HDAC4: variants seen among roughly 807,000 people sequenced by gnomAD.
HDAC4 encodes the protein histone deacetylase A.
In HDAC4, 16 loss-of-function variants were observed where a neutral mutation model predicts 135.1. The observed-to-expected ratio is 0.12, with a 90% CI of 0.08 to 0.18. The LOEUF (loss-of-function observed/expected upper bound fraction) is 0.18, where lower values mean the gene tolerates loss of function less well. HDAC4 is among the 10% of genes least tolerant of loss of function. HDAC4 has a pLI of 1.00. For missense variants in HDAC4, 1,143 were observed against 1,511.8 expected (o/e 0.76, Z 4.05); for synonymous variants, 685 against 653.4 (o/e 1.05, Z -0.74).
chr2:239,357,870 C>A, intron 1 of HDAC4, among the ~76,000 whole-genome samples: 1 of 113,402 alleles, frequency 8.8e-6, no homozygotes, highest in Admixed American at 1.1e-4. Flanking sequence ...GCCTGGGTGA[C>A]AGAGCAAGCC....
chr2:239,194,275 G>A (rs2045214177), intron 3 of HDAC4, among the ~76,000 whole-genome samples: 1 of 152,188 alleles, frequency 6.6e-6, no homozygotes. Flanking sequence ...TAATTCCTAA[G>A]GCATTCATTC....
In HDAC4 at chr2:239,048,223, TG is replaced by T. The variant is rs2030240667; in HGVS notation, c.*4873del. 1 of 152,300 alleles carries T rather than the reference TG, an allele frequency of 6.6e-6. No individual in the cohort carries two copies. The highest frequency in any genetic ancestry group is 2.1e-4 in the South Asian group (1 of 4,832). The allele number at this position is 152,300 out of a possible 1,614,324, so 9.4% of individuals were successfully genotyped here. On this transcript the variant is annotated 3_prime_UTR_variant, in exon 27 of 27. Transcript: ENST00000543185. The stretch of plus-strand genomic sequence containing the variant: ...CACCACAAGATAACACGTTGCGTGA[TG>T]TGGTACAGAATACTGGACTCCAGTG...
At chr2:239,363,174 T>C (rs776612513) in intron 1 of HDAC4, among the ~76,000 whole-genome samples, 3 of 152,148 alleles carry the variant, frequency 2.0e-5, no homozygotes, top group Non-Finnish European at 4.4e-5. Context: ...CAAGGAGGAA[T>C]ATACCATGTG....
intron 1 of HDAC4, among the ~76,000 whole-genome samples, chr2:239,373,153 AGGACAT>A (rs1418022021): frequency 6.6e-6 from 1 of 152,074 alleles, no homozygotes; most frequent in Non-Finnish European, 1.5e-5. Context: ...TTCTCACATC[AGGACAT>A]GTGAGCAGAA....
At chr2:239,288,911 C>T (rs1156362925) in intron 2 of HDAC4, among the ~76,000 whole-genome samples, 1 of 152,156 alleles carries the variant, frequency 6.6e-6, no homozygotes, top group Non-Finnish European at 1.5e-5. Context: ...AAGTTTCAGG[C>T]TAGGCTTTTT....
Position 239,081,094 on chromosome 2 carries a change from C to T in HDAC4, c.2750+1G>A, listed in dbSNP as rs1462713878. 1.2e-6 allele frequency: 2 copies of T among 1,612,502 alleles called. No homozygotes were observed. Among genetic ancestry groups the T allele is most frequent in the Non-Finnish European group, 8.5e-7 (1 of 1,178,978 alleles). On this transcript the variant is annotated splice_donor_variant, in intron 22 of 26. Coordinates refer to ENST00000543185, the MANE Select transcript of HDAC4 (RefSeq NM_001378414.1). LOFTEE classifies it high-confidence loss of function. ...GTGTCATGTGAAGCCGGGAGGCTCA[C>T]CTGAAGGCCGCCAAGTACTCAGCGT...
At chr2:239,364,997 G>T (rs1694095868) in intron 1 of HDAC4, among the ~76,000 whole-genome samples, 1 of 152,156 alleles carries the variant, frequency 6.6e-6, no homozygotes, top group Admixed American at 6.5e-5. Flanking sequence ...ACTAAGTCAG[G>T]TTTGTCAGAC....
intron 22 of HDAC4, among the ~76,000 whole-genome samples, chr2:239,073,721 C>T (rs552294300): frequency 3.7e-4 from 56 of 152,376 alleles, no homozygotes; most frequent in Admixed American, 7.8e-4. Context: ...CAGGAAACAC[C>T]GCACTGGCCT....
At chr2:239,163,680 C>T (rs138795885) in intron 6 of HDAC4, 123 bp downstream of exon 6, 4 of 1,054,998 alleles carry the variant, frequency 3.8e-6, no homozygotes, top group East Asian at 4.7e-5. Flanking sequence ...CTTGGGGTTT[C>T]AATTCCTCAC....
At chr2:239,116,176 C>T (rs1337778363) in intron 12 of HDAC4, among the ~76,000 whole-genome samples, 1 of 152,202 alleles carries the variant, frequency 6.6e-6, no homozygotes. Context: ...CGGCTCATTT[C>T]CCCATTCTGG....
At chr2:239,360,631 C>T (rs138424270) in intron 1 of HDAC4, among the ~76,000 whole-genome samples, 21 of 152,298 alleles carry the variant, frequency 1.4e-4, no homozygotes, top group African/African-American at 4.8e-4. Flanking sequence ...AGATAGGAAG[C>T]GGGGGCACCC....
chr2:239,107,504 T>A lies in HDAC4; in HGVS notation c.2112+546A>T, dbSNP rs143031268. On this transcript the variant is annotated intron_variant, in intron 15 of 26. Transcript: ENST00000543185. ...GGGCCCTGCCTGCAGCTCCATTCCC[T>A]TCACGACCCACTGCCTCGCCAGCAC... 5.8e-3 allele frequency among the ~76,000 whole-genome samples: 886 copies of A among 152,316 alleles called. 13 individuals are homozygous for A. Among genetic ancestry groups the A allele is most frequent in the African/African-American group, 0.02 (846 of 41,566 alleles).
At chr2:239,383,934 A>G (rs1426166101) in intron 1 of HDAC4, among the ~76,000 whole-genome samples, 1 of 152,220 alleles carries the variant, frequency 6.6e-6, no homozygotes, top group African/African-American at 2.4e-5. Context: ...GAGCCACTGG[A>G]GGGCAGGGCG....
At chr2:239,066,377 G>GAGAGAA (rs1265906670) in intron 24 of HDAC4, among the ~76,000 whole-genome samples, 1 of 152,206 alleles carries the variant, frequency 6.6e-6, no homozygotes, top group Non-Finnish European at 1.5e-5. Context: ...AGGAAACGAA[G>GAGAGAA]AGAGAAAGAA....
intron 6 of HDAC4, among the ~76,000 whole-genome samples, chr2:239,158,664 C>A (rs1303922248): frequency 2.6e-5 from 4 of 152,036 alleles, no homozygotes; most frequent in Non-Finnish European, 5.9e-5. Context: ...GGAGCGACCT[C>A]ACCTCCTGCA....
chr2:239,279,823 T>G (rs1475402409), intron 2 of HDAC4, among the ~76,000 whole-genome samples: 1 of 152,218 alleles, frequency 6.6e-6, no homozygotes, highest in Non-Finnish European at 1.5e-5. Context: ...GCCCTCAGGA[T>G]GAATGGCCAG....
intron 1 of HDAC4, among the ~76,000 whole-genome samples, chr2:239,380,627 G>A (rs1375360879): frequency 6.6e-6 from 1 of 152,132 alleles, no homozygotes; most frequent in Admixed American, 6.5e-5. Context: ...GCACAACCAC[G>A]TGAATATAAT....
intron 22 of HDAC4, among the ~76,000 whole-genome samples, chr2:239,079,345 C>A (rs1161234533): frequency 3.9e-5 from 6 of 152,304 alleles, no homozygotes; most frequent in Admixed American, 1.3e-4. Flanking sequence ...GGCAGGTCCA[C>A]TGAGGAGCAG....
intron 1 of HDAC4, among the ~76,000 whole-genome samples, chr2:239,368,547 C>A (rs1694383837): frequency 6.6e-6 from 1 of 152,148 alleles, no homozygotes; most frequent in Non-Finnish European, 1.5e-5. Context: ...CACCCACTTC[C>A]TTCTCCATTG....
Sources: gnomAD v4.1 joint callset for allele counts (sites outside exome capture counted in the v4.1 genomes callset) on GRCh38, gnomAD v4.1.1 for gene constraint, MANE v1.5 for transcripts, NCBI Gene and HGNC (gene_info 2026-07-23, HGNC 2026-07-21) for gene names.